The following TRIQK variants were observed in gnomAD, a reference collection of about 807,000 sequenced individuals.
The protein encoded by TRIQK is triple QxxK/R motif-containing protein.
In TRIQK, 10 loss-of-function variants were observed where a neutral mutation model predicts 10.8. That is an observed-to-expected ratio of 0.92 (90% confidence interval 0.57 to 1.57). TRIQK has a LOEUF of 1.57. Ranked by LOEUF, TRIQK falls within the 40% of genes most tolerant of loss-of-function variation. TRIQK has a pLI of 0.00. For missense variants in TRIQK, 107 were observed against 97.7 expected, an observed-to-expected ratio of 1.09 and a Z score of -0.40; for synonymous variants, 33 against 33.7, an observed-to-expected ratio of 0.98 and a Z score of 0.07.
chr8:92,911,318 C>A (rs558466418), intron 3 of TRIQK, among the ~76,000 whole-genome samples: 5 of 150,840 alleles, frequency 3.3e-5, no homozygotes, highest in Non-Finnish European at 7.4e-5. Flanking sequence ...TATATCACAA[C>A]AAAAATTATC....
intron 1 of TRIQK, among the ~76,000 whole-genome samples, chr8:92,983,279 A>G (rs548048260): frequency 1.4e-4 from 22 of 152,142 alleles, no homozygotes; most frequent in African/African-American, 4.6e-4. Context: ...AAAAATCTCA[A>G]TTCAAGTCAA....
intron 1 of TRIQK, among the ~76,000 whole-genome samples, chr8:92,992,658 G>A (rs1813107650): frequency 6.6e-6 from 1 of 152,220 alleles, no homozygotes; most frequent in Non-Finnish European, 1.5e-5. Flanking sequence ...GCCTGAGGCT[G>A]AGGCAGGATC....
At chr8:93,008,251 A>G (rs894369376) in intron 1 of TRIQK, among the ~76,000 whole-genome samples, 1 of 152,240 alleles carries the variant, frequency 6.6e-6, no homozygotes, top group Non-Finnish European at 1.5e-5. Context: ...TTACCTATGT[A>G]ATAAACCTGC....
intron 1 of TRIQK, 140 bp downstream of exon 1, chr8:92,965,867 C>T (rs1234506690): frequency 6.5e-6 from 1 of 152,732 alleles, no homozygotes; most frequent in African/African-American, 2.4e-5. Flanking sequence ...CCAGCCCCAC[C>T]AAGTGCCGCT....
At chr8:92,895,586 G>A (rs1808551920) in intron 3 of TRIQK, among the ~76,000 whole-genome samples, 1 of 152,162 alleles carries the variant, frequency 6.6e-6, no homozygotes, top group East Asian at 1.9e-4. Flanking sequence ...GTAGAAACAT[G>A]AAAAGTAAAG....
intron 1 of TRIQK, among the ~76,000 whole-genome samples, chr8:92,980,918 T>C (rs1310180227): frequency 6.6e-6 from 1 of 151,400 alleles, no homozygotes; most frequent in East Asian, 1.9e-4. Context: ...ATTTCATTTT[T>C]ATTAATTTAT....
intron 1 of TRIQK, among the ~76,000 whole-genome samples, chr8:92,992,714 T>C (rs983727487): frequency 6.6e-6 from 1 of 152,146 alleles, no homozygotes; most frequent in African/African-American, 2.4e-5. Context: ...TGCGAGACCA[T>C]GAAGACAGAC....
chr8:92,899,648 C>G (rs971099761), intron 3 of TRIQK, among the ~76,000 whole-genome samples: 1 of 152,202 alleles, frequency 6.6e-6, no homozygotes, highest in Non-Finnish European at 1.5e-5. Context: ...AGCCATTCAT[C>G]TATTGATGGA....
rs574248197 is a variant in TRIQK at position 92,930,149 on chromosome 8, G to A, written c.-21-13139C>T. On this transcript the variant is annotated intron_variant, in intron 2 of 4. Transcript: ENST00000521988. ...TCCCAGCACTTTGGGAGGCCAAGGCGGGCAGATCACCAGAGGTCGGGAGTT... is the reference window on the plus strand; with the variant it reads ...TCCCAGCACTTTGGGAGGCCAAGGCAGGCAGATCACCAGAGGTCGGGAGTT... Among the ~76,000 whole-genome samples, 11 of 151,594 alleles carry A rather than the reference G, an allele frequency of 7.3e-5. No individual in the cohort carries two copies. The South Asian group carries it at 1.3e-3, about 17-fold the overall frequency.
At chr8:92,927,413 C>A (rs1810498183) in intron 2 of TRIQK, among the ~76,000 whole-genome samples, 2 of 106,626 alleles carry the variant, frequency 1.9e-5, no homozygotes, top group East Asian at 2.5e-4. Flanking sequence ...GTTAAATAAC[C>A]AAATTTGAAA....
Position 92,988,470 on chromosome 8 carries a change from T to A in TRIQK, c.-181+29139A>T, listed in dbSNP as rs539201096. On this transcript the variant is annotated intron_variant, in intron 1 of 4. Transcript: ENST00000520686. The stretch of plus-strand genomic sequence containing the variant: ...CACTTTTTCTGACATTTAAATGTGG[T>A]AGGGTACTATATTGGTTTGCTAAAT... Among the ~76,000 whole-genome samples the A allele has an allele frequency of 2.6e-5, 4 of 152,338 alleles. No homozygotes were observed. The South Asian group carries it at 8.3e-4, about 32-fold the overall frequency.
chr8:92,901,565 T>C (rs1352326099), intron 3 of TRIQK, among the ~76,000 whole-genome samples: 1 of 152,198 alleles, frequency 6.6e-6, no homozygotes, highest in Admixed American at 6.5e-5. Flanking sequence ...TTTGTGTATG[T>C]TGAATCATCC....
chr8:93,011,179 T>C (rs1481325631), intron 1 of TRIQK, among the ~76,000 whole-genome samples: 29 of 138,830 alleles, frequency 2.1e-4, no homozygotes, highest in African/African-American at 3.2e-4. Flanking sequence ...TACACATACA[T>C]ACACACACAC....
At chr8:92,980,637 A>T (rs1279802708) in intron 1 of TRIQK, among the ~76,000 whole-genome samples, 1 of 152,068 alleles carries the variant, frequency 6.6e-6, no homozygotes, top group Non-Finnish European at 1.5e-5. Flanking sequence ...AGACTTAGAA[A>T]TGCATACTTT....
upstream of TRIQK, among the ~76,000 whole-genome samples, chr8:92,970,866 T>G (rs994906667): frequency 1.3e-5 from 2 of 152,234 alleles, no homozygotes; most frequent in Non-Finnish European, 2.9e-5. Flanking sequence ...ATGAAATCTT[T>G]GCCCATGTCT....
intron 3 of TRIQK, among the ~76,000 whole-genome samples, chr8:92,899,079 A>C (rs1808782910): frequency 6.8e-6 from 1 of 146,330 alleles, no homozygotes; most frequent in Admixed American, 6.9e-5. Context: ...GTAACCTCTG[A>C]CTCCTCTGAT....
At chr8:92,992,740 T>C (rs1210062295) in intron 1 of TRIQK, among the ~76,000 whole-genome samples, 2 of 152,088 alleles carry the variant, frequency 1.3e-5, no homozygotes, top group Non-Finnish European at 2.9e-5. Flanking sequence ...TGTGGGGCAG[T>C]TGAGTGGGGT....
chr8:92,987,658 A>C (rs1447889245), intron 1 of TRIQK, among the ~76,000 whole-genome samples: 2 of 152,196 alleles, frequency 1.3e-5, no homozygotes, highest in African/African-American at 4.8e-5. Context: ...GATTCATCAA[A>C]ATAAAGAAAA....
At chr8:92,909,199 A>T (rs1229534906) in intron 3 of TRIQK, among the ~76,000 whole-genome samples, 2 of 151,984 alleles carry the variant, frequency 1.3e-5, no homozygotes, top group African/African-American at 4.8e-5. Flanking sequence ...CACCTTCAAG[A>T]TGAATAAAAT....
Sources: allele counts gnomAD v4.1 joint callset (sites outside exome capture counted in the v4.1 genomes callset), GRCh38; gene constraint gnomAD v4.1.1; transcripts MANE v1.5; gene names NCBI Gene and HGNC (gene_info 2026-07-23, HGNC 2026-07-21).